The following UNC13C variants were observed in gnomAD, a reference collection of about 807,000 sequenced individuals.
UNC13C encodes protein unc-13 homolog C.
UNC13C carries 174 observed loss-of-function variants against 245.4 expected under a neutral mutation model. The ratio of observed to expected loss-of-function variants is 0.71; its 90% CI spans 0.63 to 0.80. The LOEUF is 0.80. Ranked by LOEUF, UNC13C falls within the 30% of genes least tolerant of loss-of-function variation. UNC13C has a pLI of 0.00. For missense variants in UNC13C, 2,829 were observed against 2,602.9 expected, an observed-to-expected ratio of 1.09 and a Z score of -1.89; for synonymous variants, 992 against 895.1, an observed-to-expected ratio of 1.11 and a Z score of -1.93.
chr15:53,999,881 G>A (rs1178560716), intron 1 of UNC13C, among the ~76,000 whole-genome samples: 1 of 151,878 alleles, frequency 6.6e-6, no homozygotes, highest in Non-Finnish European at 1.5e-5. Context: ...TTTTTTAAAT[G>A]TCTTTTATTA....
At chr15:54,082,003 T>G (rs1898968616) in intron 2 of UNC13C, among the ~76,000 whole-genome samples, 1 of 152,230 alleles carries the variant, frequency 6.6e-6, no homozygotes, top group African/African-American at 2.4e-5. Flanking sequence ...CCTTAGCATT[T>G]GCTTGCCTGG....
At chr15:53,840,874 A>G in the UNC13C span, among the ~76,000 whole-genome samples, 3 of 152,162 alleles carry the variant, frequency 2.0e-5, no homozygotes, top group Admixed American at 6.6e-5. Context: ...ACATAGGAGT[A>G]ATCATGGAAT....
chr15:54,547,942 G>A (rs1347712336), intron 27 of UNC13C, among the ~76,000 whole-genome samples: 1 of 152,126 alleles, frequency 6.6e-6, no homozygotes, highest in Non-Finnish European at 1.5e-5. Flanking sequence ...CCCTAGGTCA[G>A]AGGCTCTCGA....
intron 1 of UNC13C, among the ~76,000 whole-genome samples, chr15:53,989,351 C>G (rs1894282833): frequency 6.6e-6 from 1 of 150,828 alleles, no homozygotes; most frequent in African/African-American, 2.4e-5. Context: ...AAAATGTAGG[C>G]AATGTTTCTT....
At chr15:54,009,207 C>T (rs964527278) in intron 1 of UNC13C, among the ~76,000 whole-genome samples, 8 of 152,100 alleles carry the variant, frequency 5.3e-5, no homozygotes, top group African/African-American at 1.9e-4. Context: ...AGGTATCTTC[C>T]CTTTCACTTC....
intron 18 of UNC13C, among the ~76,000 whole-genome samples, chr15:54,403,824 C>A (rs201403042): frequency 6.6e-6 from 1 of 150,960 alleles, no homozygotes; most frequent in Admixed American, 6.6e-5. Flanking sequence ...AAAATAATGC[C>A]TTGAAACAGA....
chr15:54,352,211 T>C (rs2038997963), intron 17 of UNC13C, among the ~76,000 whole-genome samples: 1 of 150,660 alleles, frequency 6.6e-6, no homozygotes, highest in Non-Finnish European at 1.5e-5. Context: ...GAAATACTGA[T>C]GTAGTTATTC....
Position 54,560,308 on chromosome 15 carries a change from T to C in UNC13C, c.5958+4796T>C, listed in dbSNP as rs565140313. Among the ~76,000 whole-genome samples the C allele has an allele frequency of 3.9e-5, 6 of 152,060 alleles. No individual in the cohort carries two copies. In the East Asian group the frequency reaches 1.2e-3, roughly 30 times the overall value. ...CCATGAGTCAGTAAAAATATTATAT[T>C]GTGCAAGATCTTCAATCTTGAAAAG... is the stretch of plus-strand genomic sequence containing the variant. On this transcript the variant is annotated intron_variant, in intron 29 of 32. Coordinates refer to ENST00000260323, the MANE Select transcript of UNC13C (RefSeq NM_001080534.3).
At chr15:54,566,476 C>A (rs1897519020) in intron 29 of UNC13C, among the ~76,000 whole-genome samples, 1 of 152,028 alleles carries the variant, frequency 6.6e-6, no homozygotes, top group Non-Finnish European at 1.5e-5. Flanking sequence ...CTTTTCATAG[C>A]ATATGTAGTT....
At chr15:53,879,065 C>T in the UNC13C span, among the ~76,000 whole-genome samples, 2 of 152,062 alleles carry the variant, frequency 1.3e-5, no homozygotes, top group Admixed American at 1.3e-4. Context: ...CATTCTGATT[C>T]CCTTGTAAAA....
At chr15:54,057,862 C>T (rs1897610969) in intron 2 of UNC13C, among the ~76,000 whole-genome samples, 1 of 152,216 alleles carries the variant, frequency 6.6e-6, no homozygotes, top group Non-Finnish European at 1.5e-5. Context: ...TGAATGACTA[C>T]TGGGTACATA....
At chr15:53,890,829 G>T in the UNC13C span, among the ~76,000 whole-genome samples, 1 of 150,256 alleles carries the variant, frequency 6.7e-6, no homozygotes, top group Non-Finnish European at 1.5e-5. Context: ...TGGATTCATT[G>T]ATTTTTTGAT....
the UNC13C span, among the ~76,000 whole-genome samples, chr15:53,859,079 T>C: frequency 1.3e-5 from 2 of 152,126 alleles, no homozygotes; most frequent in East Asian, 3.8e-4. Context: ...TAAATGGGCA[T>C]GTACAACTCA....
At chr15:54,168,475 G>T (rs967639908) in intron 4 of UNC13C, among the ~76,000 whole-genome samples, 10 of 152,064 alleles carry the variant, frequency 6.6e-5, no homozygotes, top group Non-Finnish European at 1.2e-4. Context: ...ATTGTAATTG[G>T]TTCTTTCTAA....
intron 2 of UNC13C, among the ~76,000 whole-genome samples, chr15:54,062,470 TTTC>T (rs546172903): frequency 6.8e-4 from 104 of 152,284 alleles, no homozygotes; most frequent in Middle Eastern, 3.4e-3. Flanking sequence ...CAATTCCATT[TTTC>T]TTCTTCTTTT....
intron 4 of UNC13C, among the ~76,000 whole-genome samples, chr15:54,189,614 G>C (rs763868329): frequency 2.8e-4 from 42 of 152,092 alleles, no homozygotes; most frequent in Non-Finnish European, 6.0e-4. Flanking sequence ...AGATAATTAA[G>C]ATAATTTGAT....
At chr15:54,131,693 A>C (rs551838670) in intron 2 of UNC13C, among the ~76,000 whole-genome samples, 2 of 152,308 alleles carry the variant, frequency 1.3e-5, no homozygotes, top group East Asian at 3.9e-4. Flanking sequence ...GGTTCTAGTC[A>C]TGCACTGGGG....
At chr15:54,063,707 A>G (rs1897947777) in intron 2 of UNC13C, among the ~76,000 whole-genome samples, 1 of 152,210 alleles carries the variant, frequency 6.6e-6, no homozygotes, top group Non-Finnish European at 1.5e-5. Context: ...CTTTTAAAAA[A>G]TGACTAGTCT....
chr15:54,051,918 C>G (rs1412462250), intron 2 of UNC13C, among the ~76,000 whole-genome samples: 1 of 133,324 alleles, frequency 7.5e-6, no homozygotes, highest in African/African-American at 2.9e-5. Context: ...CCCCTCCCTC[C>G]ACCCCACCAC....
Sources: allele counts gnomAD v4.1 joint callset (sites outside exome capture counted in the v4.1 genomes callset), GRCh38; gene constraint gnomAD v4.1.1; transcripts MANE v1.5; gene names NCBI Gene and HGNC (gene_info 2026-07-23, HGNC 2026-07-21).